KIAA0825: variants seen among roughly 807,000 people sequenced by gnomAD.
The protein encoded by KIAA0825 is uncharacterized protein KIAA0825.
A neutral mutation model predicts 147.6 loss-of-function variants in KIAA0825; 119 were observed. The observed-to-expected ratio is 0.81, with a 90% CI of 0.69 to 0.94. The LOEUF is 0.94. Among genes scored for constraint, KIAA0825 ranks in the 40% least tolerant of loss-of-function variants. KIAA0825 has a pLI of 0.00. For synonymous variants in KIAA0825, 470 were observed against 518.1 expected (o/e 0.91, Z 1.26); for missense variants, 1,381 against 1,472.7 (o/e 0.94, Z 1.02).
intron 20 of KIAA0825, among the ~76,000 whole-genome samples, chr5:94,234,242 G>T (rs891085527): frequency 1.3e-5 from 2 of 151,872 alleles, no homozygotes; most frequent in Admixed American, 1.3e-4. Context: ...GTGGTGGCGG[G>T]CACCTGTAGT....
intron 2 of KIAA0825, among the ~76,000 whole-genome samples, chr5:94,552,697 T>C (rs1419918496): frequency 3.9e-5 from 6 of 152,230 alleles, no homozygotes; most frequent in African/African-American, 1.2e-4. Context: ...TTTAAGTTTC[T>C]TGAAACAAAT....
chr5:94,352,811 G>A (rs935956151), intron 20 of KIAA0825, among the ~76,000 whole-genome samples: 3 of 152,164 alleles, frequency 2.0e-5, no homozygotes, highest in Non-Finnish European at 4.4e-5. Flanking sequence ...TATTCTAAGT[G>A]AAGTAACTCA....
chr5:94,500,386 A>G (rs1482683091), intron 5 of KIAA0825, among the ~76,000 whole-genome samples: 1 of 152,208 alleles, frequency 6.6e-6, no homozygotes, highest in Non-Finnish European at 1.5e-5. Context: ...GAAATGGAGA[A>G]GAGGAGATAG....
chr5:94,175,059 C>T (rs1167031274), intron 20 of KIAA0825, among the ~76,000 whole-genome samples: 2 of 152,120 alleles, frequency 1.3e-5, no homozygotes, highest in Non-Finnish European at 2.9e-5. Context: ...AGGCATCTTC[C>T]AGCAGCACTC....
At chr5:94,335,666 TG>T (rs1395036594) in intron 20 of KIAA0825, among the ~76,000 whole-genome samples, 2 of 152,112 alleles carry the variant, frequency 1.3e-5, no homozygotes, top group African/African-American at 4.8e-5. Flanking sequence ...AATAATAATA[TG>T]AAATAATAAT....
intron 20 of KIAA0825, among the ~76,000 whole-genome samples, chr5:94,170,605 G>A (rs1277900531): frequency 2.6e-5 from 4 of 152,190 alleles, no homozygotes; most frequent in Non-Finnish European, 5.9e-5. Flanking sequence ...TGGCTAGAAG[G>A]CTGACAGTCT....
At chr5:94,432,147 A>T (rs957292782) in intron 14 of KIAA0825, among the ~76,000 whole-genome samples, 1 of 152,228 alleles carries the variant, frequency 6.6e-6, no homozygotes, top group African/African-American at 2.4e-5. Flanking sequence ...CCACATACTC[A>T]AATTCTTTTG....
intron 13 of KIAA0825, among the ~76,000 whole-genome samples, chr5:94,446,489 T>TGAGCTGAGAGATG (rs1757739946): frequency 6.6e-5 from 10 of 152,132 alleles, no homozygotes; most frequent in Non-Finnish European, 1.2e-4. Context: ...GAGATGAAGA[T>TGAGCTGAGAGATG]AAGCTGGCAT....
Position 94,246,929 on chromosome 5 carries a change from T to C in KIAA0825, c.3711-92805A>G, listed in dbSNP as rs148542174. Among the ~76,000 whole-genome samples the C allele has an allele frequency of 9.8e-5, 15 of 152,286 alleles. No homozygotes were observed. The East Asian group carries it at 2.1e-3, about 22-fold the overall frequency. ...GTGATTTATTTTAAGCAGTGAAAGA[T>C]ATACAGTTTGGAAGGAAAGTGGAAG... On this transcript the variant is annotated intron_variant, in intron 20 of 20. Transcript: ENST00000682413.
chr5:94,485,924 GAAC>G (rs1763001237), intron 5 of KIAA0825, among the ~76,000 whole-genome samples: 1 of 151,598 alleles, frequency 6.6e-6, no homozygotes. Context: ...ATTTGCGTAA[GAAC>G]AATACAACTT....
At chr5:94,345,650 CTAAACA>C (rs1359550128) in intron 20 of KIAA0825, among the ~76,000 whole-genome samples, 1 of 151,956 alleles carries the variant, frequency 6.6e-6, no homozygotes, top group Non-Finnish European at 1.5e-5. Flanking sequence ...AACAAAAGCT[CTAAACA>C]TATTAGGTTC....
chr5:94,423,184 G>T (rs772906005), intron 14 of KIAA0825, among the ~76,000 whole-genome samples: 49 of 152,246 alleles, frequency 3.2e-4, no homozygotes, highest in Non-Finnish European at 5.3e-4. Flanking sequence ...GGAGCTGGGG[G>T]GTTGGAGGGA....
At chr5:94,506,060 C>G (rs763670496) in intron 5 of KIAA0825, among the ~76,000 whole-genome samples, 4 of 152,226 alleles carry the variant, frequency 2.6e-5, no homozygotes, top group Non-Finnish European at 5.9e-5. Flanking sequence ...CTATTGCACA[C>G]TTCATAATTG....
chr5:94,281,483 G>T (rs1180909098), intron 20 of KIAA0825, among the ~76,000 whole-genome samples: 1 of 152,112 alleles, frequency 6.6e-6, no homozygotes, highest in East Asian at 1.9e-4. Flanking sequence ...ATCTCTGTGG[G>T]TGAGGCCTAA....
intron 20 of KIAA0825, among the ~76,000 whole-genome samples, chr5:94,286,766 G>A (rs1462891000): frequency 6.6e-6 from 1 of 152,058 alleles, no homozygotes; most frequent in African/African-American, 2.4e-5. Flanking sequence ...ACCCAGGCTG[G>A]TAACAGAAGC....
Position 94,391,512 on chromosome 5 carries a change from C to T in KIAA0825, c.3456+23G>A, listed in dbSNP as rs1459204965. On this transcript the variant is annotated intron_variant, in intron 18 of 20. Transcript: ENST00000682413. Reference sequence around the variant, plus strand: ...TCAGGCCAGTACACACCTAATTGCTCGATAAAAAGGCCGTTTCCCTACCTC... The same window carrying T: ...TCAGGCCAGTACACACCTAATTGCTTGATAAAAAGGCCGTTTCCCTACCTC... The T allele has an allele frequency of 1.2e-5, 18 of 1,551,054 alleles. No individual in the cohort carries two copies. In the East Asian group the frequency reaches 2.0e-4, roughly 17 times the overall value.
At chr5:94,372,347 C>CT (rs1746836530) in intron 20 of KIAA0825, among the ~76,000 whole-genome samples, 1 of 152,268 alleles carries the variant, frequency 6.6e-6, no homozygotes, top group Non-Finnish European at 1.5e-5. Context: ...CTGTACTGCC[C>CT]TAGCAGAGGT....
At chr5:94,602,125 G>A (rs148041105) in intron 1 of KIAA0825, among the ~76,000 whole-genome samples, 5 of 152,050 alleles carry the variant, frequency 3.3e-5, no homozygotes, top group African/African-American at 7.2e-5. Flanking sequence ...CAAGGCAGGC[G>A]GATCATGAGG....
At chr5:94,327,636 C>CAGGCAAA (rs1780829407) in intron 20 of KIAA0825, among the ~76,000 whole-genome samples, 3 of 152,140 alleles carry the variant, frequency 2.0e-5, no homozygotes, top group Admixed American at 1.3e-4. Flanking sequence ...TTTCAACCTT[C>CAGGCAAA]TTTTCAAATA....
Sources: allele counts gnomAD v4.1 joint callset (sites outside exome capture counted in the v4.1 genomes callset), GRCh38; gene constraint gnomAD v4.1.1; transcripts MANE v1.5; gene names NCBI Gene and HGNC (gene_info 2026-07-23, HGNC 2026-07-21).